The following PRKDC variants were observed in gnomAD, a reference collection of about 807,000 sequenced individuals.
PRKDC encodes DNA-dependent protein kinase catalytic subunit.
In PRKDC, 82 loss-of-function variants were observed where a neutral mutation model predicts 486.9. The ratio of observed to expected loss-of-function variants is 0.17; its 90% CI spans 0.14 to 0.20. PRKDC has a LOEUF of 0.20. PRKDC is among the 10% of genes least tolerant of loss of function. The probability of loss-of-function intolerance (pLI) is 1.00; values close to 1 mark genes in which losing one functional copy is unlikely to be tolerated. For synonymous variants in PRKDC, 1,895 were observed against 1,837.0 expected (o/e 1.03, Z -0.81); for missense variants, 4,504 against 5,038.2 (o/e 0.89, Z 3.21).
intron 7 of PRKDC, among the ~76,000 whole-genome samples, chr8:47,950,400 C>A (rs2090607618): frequency 6.6e-6 from 1 of 151,954 alleles, no homozygotes; most frequent in Non-Finnish European, 1.5e-5. Context: ...CCGAGCCGGG[C>A]AGATCACGAG....
chr8:47,880,039 G>A (rs1256526481), intron 38 of PRKDC, among the ~76,000 whole-genome samples: 2 of 151,774 alleles, frequency 1.3e-5, no homozygotes, highest in Non-Finnish European at 2.9e-5. Flanking sequence ...CATAGAGACG[G>A]GGTTTTGCCA....
chr8:47,827,118 TCACACACACACACACA>T (rs61385951), intron 62 of PRKDC, among the ~76,000 whole-genome samples: 2,916 of 128,232 alleles, frequency 0.023, 111 homozygotes, highest in African/African-American at 0.076. Context: ...AATATGAAGA[TCACACACACACACACA>T]CACACACACA....
intron 48 of PRKDC, among the ~76,000 whole-genome samples, chr8:47,857,646 C>T (rs373944493): frequency 6.6e-6 from 1 of 152,134 alleles, no homozygotes; most frequent in Non-Finnish European, 1.5e-5. Context: ...CCAACCCTGC[C>T]AGCAGCTTGA....
At chr8:47,821,014 T>A in intron 65 of PRKDC, 71 bp from the exon 66 acceptor site, 2 of 981,714 alleles carry the variant, frequency 2.0e-6, no homozygotes, top group East Asian at 5.3e-5. Flanking sequence ...TTTATTTCTA[T>A]TATATTCTTT....
chr8:47,840,895 G>C (rs2088125697), intron 54 of PRKDC, among the ~76,000 whole-genome samples: 1 of 152,178 alleles, frequency 6.6e-6, no homozygotes, highest in African/African-American at 2.4e-5. Context: ...AATAGACATA[G>C]CCAGGAGGGC....
chr8:47,819,012 CA>C (rs1288005329), intron 67 of PRKDC, among the ~76,000 whole-genome samples: 1 of 152,198 alleles, frequency 6.6e-6, no homozygotes, highest in Admixed American at 6.5e-5. Flanking sequence ...GCGTGCACCT[CA>C]GGGGCACCAC....
intron 67 of PRKDC, among the ~76,000 whole-genome samples, chr8:47,818,535 C>T (rs530972365): frequency 9.5e-5 from 14 of 147,036 alleles, no homozygotes; most frequent in Admixed American, 2.7e-4. Context: ...GCCGAGATCC[C>T]GCCACTGCAC....
chr8:47,851,764 C>T (rs28485144), intron 52 of PRKDC, among the ~76,000 whole-genome samples: 15 of 152,036 alleles, frequency 9.9e-5, no homozygotes, highest in Non-Finnish European at 2.1e-4. Flanking sequence ...ATGCAGCTGA[C>T]GAAAGGGAGA....
At chr8:47,936,853 G>A (rs1281750065) in intron 11 of PRKDC, among the ~76,000 whole-genome samples, 1 of 146,182 alleles carries the variant, frequency 6.8e-6, no homozygotes, top group Non-Finnish European at 1.5e-5. Flanking sequence ...TCAAACTCCC[G>A]ACCTCAGGTG....
In PRKDC at chr8:47,879,672, C is replaced by A; in HGVS notation, c.5068-14G>T. The A allele has an allele frequency of 6.5e-7, 1 of 1,529,238 alleles. No homozygotes were observed. The highest frequency in any genetic ancestry group is 8.7e-7 in the Non-Finnish European group (1 of 1,145,864). 94.7% of individuals were successfully genotyped at this position (1,529,238 alleles called of 1,614,324 possible). A position where few individuals can be genotyped will look rare whatever the true frequency, so the allele number is the denominator to read the frequency against. On this transcript the variant is annotated splice_polypyrimidine_tract_variant and intron_variant, in intron 38 of 85. Coordinates refer to ENST00000314191, the MANE Select transcript of PRKDC (RefSeq NM_006904.7). ...GACAGCTTGGCCCTGTGGAGCAAGACAGACATAAGAAACTGCACGAATTAT... is the reference window on the plus strand; with the variant it reads ...GACAGCTTGGCCCTGTGGAGCAAGAAAGACATAAGAAACTGCACGAATTAT...
At position 47,957,000 on chromosome 8, in the gene PRKDC, A is replaced by C. The variant is rs568115097; in HGVS notation, c.324+171T>G. Among the ~76,000 whole-genome samples the C allele has an allele frequency of 2.7e-3, 398 of 150,008 alleles. 2 individuals are homozygous for C. The highest frequency in any genetic ancestry group is 0.013 in the South Asian group (62 of 4,710). On this transcript the variant is annotated intron_variant, in intron 3 of 85. Transcript: ENST00000314191. ...CTCCAAAAAAAAAAAAAAAAAAAAAAACCTAATGAAGAGCCCACTTCATTT... is the reference window on the plus strand; with the variant it reads ...CTCCAAAAAAAAAAAAAAAAAAAAACACCTAATGAAGAGCCCACTTCATTT...
intron 3 of PRKDC, 75 bp from the exon 4 acceptor site, chr8:47,956,023 C>T: frequency 9.1e-7 from 1 of 1,099,844 alleles, no homozygotes; most frequent in African/African-American, 1.6e-5. Context: ...CCTGAAACTA[C>T]TTCTCCAAGA....
intron 1 of PRKDC, 111 bp downstream of exon 1, chr8:47,959,862 C>T (rs1255716707): frequency 4.8e-6 from 7 of 1,456,178 alleles, no homozygotes; most frequent in Non-Finnish European, 6.4e-6. Flanking sequence ...AATCTAATTG[C>T]TGTACTTCAA....
At chr8:47,952,271 T>C (rs1198660767) in intron 7 of PRKDC, among the ~76,000 whole-genome samples, 1 of 152,034 alleles carries the variant, frequency 6.6e-6, no homozygotes, top group African/African-American at 2.4e-5. Context: ...CACACAGGAA[T>C]ATGATTCAGC....
chr8:47,871,629 G>A (rs773367261), intron 40 of PRKDC, among the ~76,000 whole-genome samples: 13 of 151,974 alleles, frequency 8.6e-5, no homozygotes, highest in East Asian at 1.9e-4. Context: ...ATGGAGTTTC[G>A]CTCTTCTTGC....
intron 68 of PRKDC, among the ~76,000 whole-genome samples, chr8:47,813,332 G>A (rs1202232372): frequency 2.0e-5 from 3 of 151,952 alleles, no homozygotes; most frequent in Non-Finnish European, 2.9e-5. Context: ...TGGCCAGGCT[G>A]GTCTCCAACT....
Position 47,800,960 on chromosome 8 carries a change from T to C in PRKDC, c.9949A>G (p.Ser3317Gly). 6.2e-7 allele frequency: 1 copy of C among 1,613,942 alleles called. No homozygotes were observed. Among genetic ancestry groups the C allele is most frequent in the Non-Finnish European group, 8.5e-7 (1 of 1,179,876 alleles). ...LDENNVSSYLSKNILAFRDQN... is the reference protein window; with the variant it reads ...LDENNVSSYLGKNILAFRDQN... ...TCACGGAAAGCCAGAATATTTTTGC[T>C]TAAGTAGCTTGACACGTTGTTCTCA... Residue 3317 changes from serine to glycine, a missense_variant, in exon 71 of 86, where the codon AGC (serine) becomes GGC (glycine). Physicochemically the swap from Ser to Gly is moderately conservative, Grantham distance 56. Transcript: ENST00000314191.
chr8:47,788,755 C>T lies in PRKDC; in HGVS notation c.10902+151G>A, dbSNP rs1589696174. 1.2e-5 allele frequency: 10 copies of T among 805,420 alleles called. No individual in the cohort carries two copies. The East Asian group carries it at 3.2e-4, about 26-fold the overall frequency. The allele number at this position is 805,420 out of a possible 1,614,324, so 49.9% of individuals were successfully genotyped here. On this transcript the variant is annotated intron_variant, in intron 76 of 85. Coordinates refer to ENST00000314191, the MANE Select transcript of PRKDC (RefSeq NM_006904.7). Reference sequence around the variant, plus strand: ...AATGTTATCAATGTGTCACAGAAAGCATGAGACCTAAAGCATTCAACAGAC... The same window carrying T: ...AATGTTATCAATGTGTCACAGAAAGTATGAGACCTAAAGCATTCAACAGAC...
chr8:47,918,653 T>A (rs1014576986), intron 21 of PRKDC, among the ~76,000 whole-genome samples: 1 of 152,152 alleles, frequency 6.6e-6, no homozygotes, highest in African/African-American at 2.4e-5. Context: ...CTCCCACGCA[T>A]CACACTCGGG....
Sources: gnomAD v4.1 joint callset for allele counts (sites outside exome capture counted in the v4.1 genomes callset) on GRCh38, gnomAD v4.1.1 for gene constraint, MANE v1.5 for transcripts, NCBI Gene and HGNC (gene_info 2026-07-23, HGNC 2026-07-21) for gene names.